The following FBN3 variants were observed in gnomAD, a reference collection of about 807,000 sequenced individuals.
FBN3 encodes the protein fibrillin 3.
In FBN3, 234 loss-of-function variants were observed where a neutral mutation model predicts 330.1. The observed-to-expected ratio is 0.71, with a 90% confidence interval of 0.64 to 0.79. The LOEUF (loss-of-function observed/expected upper bound fraction) is 0.79. Ranked by LOEUF, FBN3 falls within the 30% of genes least tolerant of loss-of-function variation. The pLI is 0.00. For missense variants in FBN3, 3,606 were observed against 3,886.9 expected (o/e 0.93, Z 1.92); for synonymous variants, 1,458 against 1,517.3 (o/e 0.96, Z 0.91).
intron 24 of FBN3, among the ~76,000 whole-genome samples, chr19:8,122,255 A>G (rs867736648): frequency 4.6e-5 from 7 of 152,058 alleles, no homozygotes; most frequent in Non-Finnish European, 7.4e-5. Context: ...GGCTCAAGCA[A>G]TCCTCCCACC....
At chr19:8,123,617 T>G (rs754291866) in intron 23 of FBN3, 28 bp from the exon 24 acceptor site, 2 of 1,612,210 alleles carry the variant, frequency 1.2e-6, no homozygotes, top group Non-Finnish European at 1.7e-6. Flanking sequence ...CAAACCACCC[T>G]GACGTCCCCA....
At chr19:8,088,626 A>C (rs1322183789) in intron 51 of FBN3, among the ~76,000 whole-genome samples, 1 of 152,222 alleles carries the variant, frequency 6.6e-6, no homozygotes, top group Non-Finnish European at 1.5e-5. Context: ...TGAATTACTG[A>C]GTGAGTGAAT....
intron 56 of FBN3, among the ~76,000 whole-genome samples, chr19:8,084,189 G>A (rs2081880296): frequency 6.6e-6 from 1 of 152,098 alleles, no homozygotes; most frequent in Non-Finnish European, 1.5e-5. Context: ...ATGTCCTTAT[G>A]CTCGCTCACA....
At position 8,075,318 on chromosome 19, in the gene FBN3, C is replaced by T; in HGVS notation, c.7547G>A (p.Gly2516Asp). 1.9e-6 allele frequency: 3 copies of T among 1,614,182 alleles called. No homozygotes were observed. The highest frequency in any genetic ancestry group is 2.5e-6 in the Non-Finnish European group (3 of 1,180,020). Residue 2516 changes from glycine to aspartate, a missense_variant, in exon 60 of 64, where the codon GGC (glycine) becomes GAC (aspartate). Coordinates refer to ENST00000600128, the MANE Select transcript of FBN3 (RefSeq NM_032447.5). ...ATGGCCTGAGCTGACCAGGGTGAAG[C>T]CTTGGTGGCATTCACAGCGGAAGCT... is the stretch of plus-strand genomic sequence containing the variant. ...PGSFRCECHQ[G>D]FTLVSSGHGC...
Position 8,131,586 on chromosome 19 carries a change from TC to T in FBN3, c.1957del (p.Glu653SerfsTer124). 1 of 1,612,374 alleles carries T rather than the reference TC, an allele frequency of 6.2e-7. No homozygotes were observed. Reference sequence around the variant, plus strand: ...TTTGGCAGGACAAAGCTGGCAGGGCTCCCCAAAACCGTGGTCCGGATTGGCA... The same window carrying T: ...TTTGGCAGGACAAAGCTGGCAGGGCTCCCAAAACCGTGGTCCGGATTGGCA... Reference protein sequence around the residue: ...CCANPDHGFGEPCQLCPAKDS... With the variant: ...CCANPDHGFGXPCQLCPAKDS... On this transcript the variant is annotated frameshift_variant, in exon 15 of 64. Coordinates refer to ENST00000600128, the MANE Select transcript of FBN3 (RefSeq NM_032447.5). LOFTEE classifies it high-confidence loss of function. The surrounding 1 kb of genome is among the most constrained non-coding windows in gnomAD (Gnocchi z 4.5).
chr19:8,138,108 C>G (rs1312399085), intron 10 of FBN3, 33 bp downstream of exon 10: 1 of 1,564,316 alleles, frequency 6.4e-7, no homozygotes, highest in Non-Finnish European at 8.6e-7. Flanking sequence ...TCCTTCAAGT[C>G]TTGGAATGTT....
intron 61 of FBN3, 57 bp from the exon 62 acceptor site, chr19:8,073,354 C>T (rs1469411406): frequency 1.4e-6 from 2 of 1,413,430 alleles, no homozygotes; most frequent in East Asian, 4.7e-5. Flanking sequence ...GTGCAGCCTT[C>T]ACACCCCCAG....
chr19:8,073,159 C>T lies in FBN3; in HGVS notation c.7841G>A (p.Cys2614Tyr). 2.5e-6 allele frequency: 4 copies of T among 1,613,880 alleles called. No individual in the cohort carries two copies. Among genetic ancestry groups the T allele is most frequent in the Non-Finnish European group, 3.4e-6 (4 of 1,179,966 alleles). ...ALGGCQEVDE[C>Y]AGRRGPCSYS... is the part of the protein sequence containing the mutation. ...GCTACAGGGGCCACGCCGTCCGGCG[C>T]ACTCATCCACCTCCTGGCAGCCCCC... The change falls in exon 62 of 64, where the codon TGC (cysteine) becomes TAC (tyrosine). Residue 2614 changes from cysteine (C) to tyrosine (Y), a missense_variant. Physicochemically the swap from Cys to Tyr is radical, Grantham distance 194 (BLOSUM62 -2). Coordinates refer to ENST00000600128, the MANE Select transcript of FBN3 (RefSeq NM_032447.5).
In FBN3 at chr19:8,136,070, A is replaced by G; in HGVS notation, c.1482T>C (p.Ile494=). Reference sequence around the variant, plus strand: ...CCAGGTGACAAAGGCCACCACTGACAATGCACTCGTCCACATCTGCGGGGA... The same window carrying G: ...CCAGGTGACAAAGGCCACCACTGACGATGCACTCGTCCACATCTGCGGGGA... ...RQACVDVDEC[I]VSGGLCHLGR... is the part of the protein sequence containing the mutation. The change falls in exon 13 of 64, where the codon ATT becomes ATC. Residue 494 remains isoleucine, a synonymous_variant. Transcript: ENST00000600128. 1 of 1,614,062 alleles carries G rather than the reference A, an allele frequency of 6.2e-7. No individual in the cohort carries two copies. Among genetic ancestry groups the G allele is most frequent in the Non-Finnish European group, 8.5e-7 (1 of 1,179,982 alleles).
At chr19:8,093,492 G>A (rs561795675) in intron 47 of FBN3, among the ~76,000 whole-genome samples, 3 of 152,262 alleles carry the variant, frequency 2.0e-5, no homozygotes, top group Admixed American at 6.5e-5. Context: ...GCATGGTGGC[G>A]GGCGCCTGTA....
intron 63 of FBN3, among the ~76,000 whole-genome samples, chr19:8,066,608 C>T (rs974019173): frequency 1.6e-4 from 24 of 152,256 alleles, no homozygotes; most frequent in African/African-American, 5.3e-4. Context: ...AGGCCGGGCG[C>T]AGTGGCTCAC....
chr19:8,103,828 C>A, intron 38 of FBN3, 141 bp from the exon 39 acceptor site: 1 of 715,824 alleles, frequency 1.4e-6, no homozygotes, highest in Non-Finnish European at 2.3e-6. Flanking sequence ...GCACACACAT[C>A]TTAGTGATGA....
intron 41 of FBN3, among the ~76,000 whole-genome samples, chr19:8,099,276 A>ATTTT (rs386388494): frequency 4.7e-4 from 46 of 98,878 alleles, no homozygotes; most frequent in Non-Finnish European, 5.7e-4. Context: ...TCATGGTTTG[A>ATTTT]TTTTTTTTTT....
Position 8,145,839 on chromosome 19 carries a change from TCA to T in FBN3, c.445+2_445+3del. 3.2e-6 allele frequency: 5 copies of T among 1,549,718 alleles called. No individual in the cohort carries two copies. Among genetic ancestry groups the T allele is most frequent in the Non-Finnish European group, 4.4e-6 (5 of 1,145,846 alleles). ...AAAGAGGGGAGTCCCATGGGGATAC[TCA>T]CGCTGCCCACACACGGTGCCTGTGT... On this transcript the variant is annotated splice_donor_variant and splice_donor_region_variant and intron_variant, in intron 5 of 63. Transcript: ENST00000600128. LOFTEE classifies it high-confidence loss of function.
In FBN3 at chr19:8,081,017, T is replaced by C. The variant is rs898078794; in HGVS notation, c.7439A>G (p.His2480Arg). Residue 2480 changes from histidine to arginine, a missense_variant, in exon 59 of 64, where the codon CAC becomes CGC. Physicochemically the swap from His to Arg is conservative, Grantham distance 29 (BLOSUM62 0). Transcript: ENST00000600128. ...GGGTCACTCACCGAAGCAGGCCTGG[T>C]GGTGCTGGGTGAAGCCGGGCGGACA... Reference protein sequence around the residue: ...CRCPPGFTQHHQACFDNDECS... With the variant: ...CRCPPGFTQHRQACFDNDECS... 3 of 1,611,486 alleles carry C rather than the reference T, an allele frequency of 1.9e-6. No homozygotes were observed. The African/African-American group carries it at 4.0e-5, about 22-fold the overall frequency.
chr19:8,124,342 C>T (rs1459982210), intron 22 of FBN3, among the ~76,000 whole-genome samples: 2 of 152,140 alleles, frequency 1.3e-5, no homozygotes, highest in African/African-American at 2.4e-5. Context: ...CTCCCAGGTT[C>T]AAGCAATTCT....
At chr19:8,080,928 ATATT>A in intron 59 of FBN3, 71 bp downstream of exon 59, 3 of 1,114,410 alleles carry the variant, frequency 2.7e-6, no homozygotes, top group Non-Finnish European at 4.0e-6. Context: ...GGCCAACTTG[ATATT>A]TTTTTGGTGA....
In FBN3 at chr19:8,095,414, C is replaced by G. The variant is rs753915839; in HGVS notation, c.5746G>C (p.Asp1916His). Residue 1916 changes from aspartate (D) to histidine (H), a missense_variant, in exon 46 of 64, where the codon GAT (aspartate) becomes CAT (histidine). Coordinates refer to ENST00000600128, the MANE Select transcript of FBN3 (RefSeq NM_032447.5). ...TAGSFHCLCQ[D>H]GFELTADGKN... is the part of the protein sequence containing the mutation. ...CCATCAGCTGTGAGCTCAAAGCCAT[C>G]CTGGCAGAGGCAGTGGAAGGAACCA... The G allele has an allele frequency of 1.2e-6, 2 of 1,613,712 alleles. No homozygotes were observed. Among genetic ancestry groups the G allele is most frequent in the East Asian group, 4.5e-5 (2 of 44,854 alleles).
At chr19:8,097,138 T>G in intron 42 of FBN3, 132 bp from the exon 43 acceptor site, 1 of 1,470,296 alleles carries the variant, frequency 6.8e-7, no homozygotes, top group Non-Finnish European at 9.2e-7. Flanking sequence ...TAAGGGTGGT[T>G]ATATGAGATG....
Sources: gnomAD v4.1 joint callset for allele counts (sites outside exome capture counted in the v4.1 genomes callset) on GRCh38, gnomAD v4.1.1 for gene constraint, Gnocchi (gnomAD v3.1) non-coding constraint, MANE v1.5 for transcripts, NCBI Gene and HGNC (gene_info 2026-07-23, HGNC 2026-07-21) for gene names.